INSC: variants seen among roughly 807,000 people sequenced by gnomAD.
INSC encodes the protein INSC spindle orientation adaptor protein.
A neutral mutation model predicts 58.6 loss-of-function variants in INSC; 67 were observed. The ratio of observed to expected loss-of-function variants is 1.14; its 90% confidence interval spans 0.94 to 1.40. The LOEUF is 1.40. Ranked by LOEUF, INSC falls within the 40% of genes most tolerant of loss-of-function variation. The probability of loss-of-function intolerance (pLI) is 0.00; values close to 1 mark genes in which losing one functional copy is unlikely to be tolerated. For missense variants in INSC, 714 were observed against 692.0 expected (o/e 1.03, Z -0.36); for synonymous variants, 262 against 276.1 (o/e 0.95, Z 0.51).
At chr11:15,147,614 G>A (rs967694681) in intron 1 of INSC, among the ~76,000 whole-genome samples, 5 of 152,182 alleles carry the variant, frequency 3.3e-5, no homozygotes, top group Admixed American at 6.5e-5. Context: ...TTCAACAGAC[G>A]TGTAGAGTGC....
At chr11:15,182,169 A>G (rs557255096) in intron 5 of INSC, among the ~76,000 whole-genome samples, 1 of 152,314 alleles carries the variant, frequency 6.6e-6, no homozygotes, top group Non-Finnish European at 1.5e-5. Context: ...AGCACTACAC[A>G]TATATTCTGA....
chr11:15,180,604 C>T (rs1328979157), intron 5 of INSC, among the ~76,000 whole-genome samples: 2 of 144,978 alleles, frequency 1.4e-5, no homozygotes, highest in Non-Finnish European at 3.0e-5. Context: ...TTCATTGATG[C>T]CTGGCCTGGA....
At chr11:15,168,892 A>G (rs1173696917) in intron 2 of INSC, among the ~76,000 whole-genome samples, 1 of 152,192 alleles carries the variant, frequency 6.6e-6, no homozygotes, top group African/African-American at 2.4e-5. Flanking sequence ...CTGTAGCTCA[A>G]TATTATGATG....
In INSC at chr11:15,188,271, G is replaced by A. The variant is rs915256638; in HGVS notation, c.580-2430G>A. 9.1e-6 allele frequency: 9 copies of A among 985,360 alleles called. No homozygotes were observed. The African/African-American group carries it at 1.4e-4, about 15-fold the overall frequency. The allele number at this position is 985,360 out of a possible 1,614,324, so 61.0% of individuals were successfully genotyped here. A position where few individuals can be genotyped will look rare whatever the true frequency, so the allele number is the denominator to read the frequency against. ...GGATGGAGACCCACTCTCCTATTTG[G>A]CAAAACTTGCTAATGAGGCTGGACA... is the stretch of plus-strand genomic sequence containing the variant. On this transcript the variant is annotated intron_variant, in intron 5 of 12. Transcript: ENST00000379556.
intron 2 of INSC, among the ~76,000 whole-genome samples, chr11:15,171,974 C>T (rs951951709): frequency 9.9e-5 from 15 of 152,182 alleles, no homozygotes; most frequent in Admixed American, 1.3e-4. Flanking sequence ...CTAGACATGG[C>T]CACAGATGGC....
At chr11:15,175,287 T>A (rs761399032) in intron 2 of INSC, among the ~76,000 whole-genome samples, 16 of 152,240 alleles carry the variant, frequency 1.1e-4, no homozygotes, top group Non-Finnish European at 2.2e-4. Flanking sequence ...TTGGAAAGCA[T>A]CATTTTAAAT....
chr11:15,170,111 C>T (rs1228585935), intron 2 of INSC, among the ~76,000 whole-genome samples: 1 of 152,120 alleles, frequency 6.6e-6, no homozygotes, highest in African/African-American at 2.4e-5. Flanking sequence ...AATGTAAATA[C>T]TATGTAAATA....
rs115960002 is a variant in INSC at position 15,143,288 on chromosome 11, A to G, written c.-45-5842A>G. On this transcript the variant is annotated intron_variant, in intron 1 of 12. Transcript: ENST00000379556. ...ACTAGGGAATCTTATAATGAAGGAC[A>G]TGACTGAATCCATGGGTCAGGGAAG... Among the ~76,000 whole-genome samples, 1,212 of 152,312 alleles carry G rather than the reference A, an allele frequency of 8.0e-3. 18 individuals carry two copies. The highest frequency in any genetic ancestry group is 0.028 in the African/African-American group (1,160 of 41,554).
intron 2 of INSC, among the ~76,000 whole-genome samples, chr11:15,165,188 GT>G (rs933595945): frequency 2.0e-5 from 3 of 152,042 alleles, no homozygotes; most frequent in Non-Finnish European, 2.9e-5. Context: ...TACTCTGTCA[GT>G]TTTCATGTGG....
chr11:15,155,068 G>T (rs1848769311), intron 2 of INSC, among the ~76,000 whole-genome samples: 1 of 152,132 alleles, frequency 6.6e-6, no homozygotes, highest in Non-Finnish European at 1.5e-5. Flanking sequence ...GGCCTAGGGT[G>T]CCCTGCCTTG....
At chr11:15,240,716 T>C (rs1590016505) in intron 12 of INSC, among the ~76,000 whole-genome samples, 193 bp downstream of exon 12, 1 of 152,208 alleles carries the variant, frequency 6.6e-6, no homozygotes, top group African/African-American at 2.4e-5. Context: ...GAAAATTATA[T>C]GAGGTCATAT....
intron 2 of INSC, among the ~76,000 whole-genome samples, chr11:15,158,582 A>G (rs1443673352): frequency 6.6e-6 from 1 of 152,094 alleles, no homozygotes; most frequent in African/African-American, 2.4e-5. Context: ...TCCTGCTCAC[A>G]TCTTCTTGGT....
chr11:15,118,934 T>C (rs1338236191), intron 1 of INSC, among the ~76,000 whole-genome samples: 2 of 152,226 alleles, frequency 1.3e-5, no homozygotes, highest in Non-Finnish European at 2.9e-5. Context: ...GTGAAGACTA[T>C]TTTAAATATA....
chr11:15,159,340 G>A (rs73424536), intron 2 of INSC, among the ~76,000 whole-genome samples: 2,030 of 152,274 alleles, frequency 0.013, 53 homozygotes, highest in African/African-American at 0.047. Context: ...TTTCACAGAA[G>A]CATGCAGAGG....
Position 15,164,987 on chromosome 11 carries a change from TC to T in INSC, c.57-10752del, listed in dbSNP as rs1849146458. Among the ~76,000 whole-genome samples the T allele has an allele frequency of 4.6e-5, 7 of 152,300 alleles. No homozygotes were observed. The South Asian group carries it at 1.5e-3, about 32-fold the overall frequency. On this transcript the variant is annotated intron_variant, in intron 2 of 12. Transcript: ENST00000379556. ...ACTGTAAGTCCTTTAAACCTCTTTT[TC>T]CTTATAAATTACCCAGGCTCAGATA... is the stretch of plus-strand genomic sequence containing the variant.
In INSC at chr11:15,147,728, G is replaced by A. The variant is rs559110298; in HGVS notation, c.-45-1402G>A. 6.6e-5 allele frequency among the ~76,000 whole-genome samples: 10 copies of A among 152,308 alleles called. No individual in the cohort carries two copies. The South Asian group carries it at 8.3e-4, about 13-fold the overall frequency. On this transcript the variant is annotated intron_variant, in intron 1 of 12. Coordinates refer to ENST00000379556, the MANE Select transcript of INSC (RefSeq NM_001042536.3). ...CTCCACAGACCAAGAAACAGGCAAC[G>A]GCAGCAAGTCTCTGGAATTATCTAG...
chr11:15,114,406 G>C (rs982064424), upstream of INSC, among the ~76,000 whole-genome samples: 3 of 152,180 alleles, frequency 2.0e-5, no homozygotes, highest in African/African-American at 7.2e-5. Context: ...TGAATAAACC[G>C]TCTCATTCTA....
chr11:15,148,035 T>C (rs183054883), intron 1 of INSC, among the ~76,000 whole-genome samples: 1 of 152,186 alleles, frequency 6.6e-6, no homozygotes, highest in East Asian at 1.9e-4. Flanking sequence ...AGAGATTGTG[T>C]ACAAAAAGGC....
chr11:15,192,409 C>T (rs1031011613), intron 6 of INSC, among the ~76,000 whole-genome samples: 6 of 152,218 alleles, frequency 3.9e-5, no homozygotes, highest in Non-Finnish European at 8.8e-5. Context: ...TTATTGCTTT[C>T]CAGACACGCT....
Sources: gnomAD v4.1 joint callset for allele counts (sites outside exome capture counted in the v4.1 genomes callset) on GRCh38, gnomAD v4.1.1 for gene constraint, MANE v1.5 for transcripts, NCBI Gene and HGNC (gene_info 2026-07-23, HGNC 2026-07-21) for gene names.